Variants in SBF2 observed in about 807,000 individuals in gnomAD.
SBF2 encodes SET binding factor 2.
A neutral mutation model predicts 225.2 loss-of-function variants in SBF2; 112 were observed. The observed-to-expected ratio is 0.50, with a 90% CI of 0.43 to 0.58. The LOEUF (loss-of-function observed/expected upper bound fraction) is 0.58, where lower values mean the gene tolerates loss of function less well. SBF2 is among the 20% of genes least tolerant of loss of function. SBF2 has a pLI of 0.00. For missense variants in SBF2, 1,996 were observed against 2,206.2 expected (o/e 0.90, Z 1.91); for synonymous variants, 763 against 773.3 (o/e 0.99, Z 0.22).
intron 1 of SBF2, among the ~76,000 whole-genome samples, chr11:10,300,687 T>C (rs1035993437): frequency 6.6e-6 from 1 of 152,092 alleles, no homozygotes; most frequent in Admixed American, 6.5e-5. Flanking sequence ...TTATCATCCA[T>C]TCATTAATGC....
At chr11:10,065,398 T>A (rs966755135) in intron 2 of SBF2, among the ~76,000 whole-genome samples, 1 of 151,654 alleles carries the variant, frequency 6.6e-6, no homozygotes, top group Admixed American at 6.6e-5. Context: ...CAAGAAAAGA[T>A]AATAGGGATA....
intron 1 of SBF2, among the ~76,000 whole-genome samples, chr11:10,215,223 C>T (rs964615493): frequency 6.6e-6 from 1 of 152,142 alleles, no homozygotes; most frequent in Non-Finnish European, 1.5e-5. Context: ...GAACCTAAAT[C>T]ATGTCCAGAA....
intron 2 of SBF2, among the ~76,000 whole-genome samples, chr11:10,169,993 C>T (rs1181030094): frequency 1.3e-5 from 2 of 152,152 alleles, no homozygotes; most frequent in Non-Finnish European, 2.9e-5. Flanking sequence ...TGAGAAATGT[C>T]TATTCAGATC....
intron 17 of SBF2, among the ~76,000 whole-genome samples, chr11:9,888,637 T>C (rs1860537175): frequency 6.6e-6 from 1 of 152,172 alleles, no homozygotes; most frequent in Non-Finnish European, 1.5e-5. Flanking sequence ...TTGCTGGTTA[T>C]ATGTGTGAAA....
intron 2 of SBF2, among the ~76,000 whole-genome samples, chr11:10,157,031 C>G (rs1955508638): frequency 6.6e-6 from 1 of 152,138 alleles, no homozygotes; most frequent in African/African-American, 2.4e-5. Context: ...TACGGGGCTA[C>G]AGTAACCAAA....
intron 2 of SBF2, among the ~76,000 whole-genome samples, chr11:10,115,320 C>T: frequency 6.6e-6 from 1 of 152,148 alleles, no homozygotes; most frequent in East Asian, 1.9e-4. Context: ...GAGTAATTGT[C>T]ATAAAAATAA....
At position 10,132,916 on chromosome 11, in the gene SBF2, A is replaced by G. The variant is rs573357253; in HGVS notation, c.141+60986T>C. Among the ~76,000 whole-genome samples the G allele has an allele frequency of 2.5e-4, 37 of 149,172 alleles. 2 individuals carry two copies. The highest frequency in any genetic ancestry group is 1.8e-3 in the East Asian group (8 of 4,536). ...TTAGTTAGATACAAAGTTTCCACAC[A>G]CAGGTTCTCCAAGGCCCCACCAGAG... On this transcript the variant is annotated intron_variant, in intron 2 of 39. Transcript: ENST00000256190.
intron 17 of SBF2, among the ~76,000 whole-genome samples, chr11:9,892,654 G>A (rs1159743216): frequency 6.6e-6 from 1 of 151,850 alleles, no homozygotes; most frequent in Non-Finnish European, 1.5e-5. Context: ...CCGCCTCCAA[G>A]GTTCAAGCAA....
chr11:9,850,555 A>C (rs574799102), intron 21 of SBF2, among the ~76,000 whole-genome samples: 2 of 152,286 alleles, frequency 1.3e-5, no homozygotes, highest in Non-Finnish European at 2.9e-5. Flanking sequence ...ACCATAGAAA[A>C]GTATTTTAAA....
At chr11:10,079,146 TATTTAAA>T (rs1951254720) in intron 2 of SBF2, among the ~76,000 whole-genome samples, 1 of 152,036 alleles carries the variant, frequency 6.6e-6, no homozygotes, top group Non-Finnish European at 1.5e-5. Context: ...ATACTGGAAA[TATTTAAA>T]AAAACACAAG....
rs1194423322 is a variant in SBF2, at chr11:10,030,930, A to G, written c.402+118T>C. The G allele has an allele frequency of 1.3e-5, 11 of 875,680 alleles. No homozygotes were observed. The South Asian group carries it at 1.3e-4, about 10-fold the overall frequency. 54.2% of individuals were successfully genotyped at this position (875,680 alleles called of 1,614,324 possible). Reference sequence around the variant, plus strand: ...CTTCTGTTCATGCTAACTGTATTTCATAGATGAATTCCTAAATCAATCTAA... The same window carrying G: ...CTTCTGTTCATGCTAACTGTATTTCGTAGATGAATTCCTAAATCAATCTAA... On this transcript the variant is annotated intron_variant, in intron 4 of 39. Coordinates refer to ENST00000256190, the MANE Select transcript of SBF2 (RefSeq NM_030962.4).
At chr11:10,144,315 C>T (rs939478692) in intron 2 of SBF2, among the ~76,000 whole-genome samples, 28 of 152,002 alleles carry the variant, frequency 1.8e-4, no homozygotes, top group Admixed American at 6.6e-5. Context: ...TGGTAAAACA[C>T]TGTCTCTACA....
intron 1 of SBF2, among the ~76,000 whole-genome samples, chr11:10,217,181 T>C (rs1201416448): frequency 2.0e-5 from 3 of 152,120 alleles, no homozygotes; most frequent in African/African-American, 4.8e-5. Flanking sequence ...AAGATAATTA[T>C]TAAAAATACA....
chr11:9,902,585 T>G (rs901475398), intron 16 of SBF2, among the ~76,000 whole-genome samples: 3 of 152,242 alleles, frequency 2.0e-5, no homozygotes, highest in African/African-American at 7.2e-5. Context: ...TTTACAGATT[T>G]GATTTTTCAA....
At chr11:9,921,941 T>C (rs189871983) in intron 16 of SBF2, among the ~76,000 whole-genome samples, 2 of 152,244 alleles carry the variant, frequency 1.3e-5, no homozygotes, top group East Asian at 1.9e-4. Context: ...GTGATTCCAA[T>C]AGCAATCAGA....
At chr11:9,974,660 A>AG (rs1187506512) in intron 13 of SBF2, among the ~76,000 whole-genome samples, 120 of 151,346 alleles carry the variant, frequency 7.9e-4, no homozygotes, top group African/African-American at 2.8e-3. Flanking sequence ...CCGCCCAAAA[A>AG]AAAAAAAAAA....
chr11:10,170,926 G>C (rs956928776), intron 2 of SBF2, among the ~76,000 whole-genome samples: 1 of 151,562 alleles, frequency 6.6e-6, no homozygotes, highest in African/African-American at 2.4e-5. Flanking sequence ...TTACTTTCTT[G>C]ATTTTTTTCA....
At chr11:10,138,394 T>A (rs989961682) in intron 2 of SBF2, among the ~76,000 whole-genome samples, 1 of 152,200 alleles carries the variant, frequency 6.6e-6, no homozygotes, top group African/African-American at 2.4e-5. Context: ...GTAACAATTG[T>A]ATCATCCCCT....
intron 2 of SBF2, among the ~76,000 whole-genome samples, chr11:10,161,184 C>CAAAAA (rs56779207): frequency 1.3e-5 from 1 of 75,348 alleles, no homozygotes; most frequent in African/African-American, 5.3e-5. Flanking sequence ...GACTCTGTCT[C>CAAAAA]AAAAAAAAAA....
Sources: allele counts gnomAD v4.1 joint callset (sites outside exome capture counted in the v4.1 genomes callset), GRCh38; gene constraint gnomAD v4.1.1; transcripts MANE v1.5; gene names NCBI Gene and HGNC (gene_info 2026-07-23, HGNC 2026-07-21).